SPMIP2: variants seen among roughly 807,000 people sequenced by gnomAD.
The protein encoded by SPMIP2 is sperm microtubule inner protein 2.
chr4:159,070,974 G>A, the SPMIP2 span, among the ~76,000 whole-genome samples: 2,378 of 152,264 alleles, frequency 0.016, 81 homozygotes, highest in African/African-American at 0.054. Context: ...CAATGATGAT[G>A]AGCACTATTG....
chr4:158,959,066 C>T, the SPMIP2 span, among the ~76,000 whole-genome samples: 5,287 of 152,258 alleles, frequency 0.035, 302 homozygotes, highest in African/African-American at 0.12. Context: ...CCTCATGACT[C>T]AGTTCAACCC....
chr4:159,030,654 T>G, the SPMIP2 span, among the ~76,000 whole-genome samples: 3 of 151,790 alleles, frequency 2.0e-5, no homozygotes, highest in Admixed American at 2.0e-4. Flanking sequence ...ATGCCACCAC[T>G]CCCAGCTAAT....
chr4:158,951,748 G>C, the SPMIP2 span, among the ~76,000 whole-genome samples: 2 of 152,226 alleles, frequency 1.3e-5, no homozygotes, highest in Non-Finnish European at 2.9e-5. Flanking sequence ...GAGGAGCCAA[G>C]TTCCCATGTG....
At chr4:158,973,227 G>A in the SPMIP2 span, 2 of 1,613,798 alleles carry the variant, frequency 1.2e-6, no homozygotes, top group Middle Eastern at 1.7e-4. Flanking sequence ...GAGATCTCCA[G>A]TTTTTTCTAA....
the SPMIP2 span, among the ~76,000 whole-genome samples, chr4:159,047,664 C>T: frequency 6.6e-6 from 1 of 152,142 alleles, no homozygotes; most frequent in African/African-American, 2.4e-5. Context: ...AAAACCCCAG[C>T]GAAGTAGTAT....
the SPMIP2 span, among the ~76,000 whole-genome samples, chr4:158,944,870 C>A: frequency 2.5e-3 from 380 of 152,308 alleles, 2 homozygotes; most frequent in African/African-American, 8.6e-3. Flanking sequence ...CCTGGGCTGC[C>A]TGACAGATTC....
the SPMIP2 span, among the ~76,000 whole-genome samples, chr4:159,068,016 T>G: frequency 3.3e-5 from 5 of 152,208 alleles, no homozygotes; most frequent in African/African-American, 1.2e-4. Context: ...AAACAACAGT[T>G]GCTGGAGAGG....
the SPMIP2 span, among the ~76,000 whole-genome samples, chr4:159,020,549 G>A: frequency 4.6e-5 from 7 of 152,168 alleles, no homozygotes; most frequent in African/African-American, 1.4e-4. Flanking sequence ...CTGCCCCTGG[G>A]CCGGTTAGAG....
chr4:158,910,244 C>A, the SPMIP2 span, among the ~76,000 whole-genome samples: 1 of 151,842 alleles, frequency 6.6e-6, no homozygotes, highest in South Asian at 2.1e-4. Context: ...TAGTCAAACA[C>A]TAATCTGGAT....
the SPMIP2 span, among the ~76,000 whole-genome samples, chr4:159,041,204 T>C: frequency 6.6e-6 from 1 of 152,212 alleles, no homozygotes; most frequent in African/African-American, 2.4e-5. Flanking sequence ...GAGAGTATAG[T>C]GGTGCTATTC....
At chr4:158,986,762 G>A in the SPMIP2 span, among the ~76,000 whole-genome samples, 6 of 152,078 alleles carry the variant, frequency 3.9e-5, no homozygotes, top group South Asian at 2.1e-4. Flanking sequence ...AATGGCAACA[G>A]AAGCCAAAAT....
At chr4:159,017,356 TACACACACAC>T in the SPMIP2 span, among the ~76,000 whole-genome samples, 12 of 149,412 alleles carry the variant, frequency 8.0e-5, no homozygotes, top group Non-Finnish European at 8.9e-5. Flanking sequence ...CACAAACACA[TACACACACAC>T]ACACACACAC....
chr4:158,962,072 T>A, the SPMIP2 span, among the ~76,000 whole-genome samples: 2 of 152,182 alleles, frequency 1.3e-5, no homozygotes, highest in African/African-American at 2.4e-5. Context: ...CAGATCAATC[T>A]TCAAATAAGT....
the SPMIP2 span, among the ~76,000 whole-genome samples, chr4:158,963,403 G>C: frequency 1.3e-5 from 2 of 152,264 alleles, no homozygotes; most frequent in South Asian, 4.2e-4. Context: ...CTAAGTTCAA[G>C]GAATTCTCCC....
the SPMIP2 span, among the ~76,000 whole-genome samples, chr4:158,896,572 G>C: frequency 2.0e-5 from 3 of 152,142 alleles, no homozygotes; most frequent in Non-Finnish European, 4.4e-5. Context: ...TAATGTCGAC[G>C]TTTAAATTAT....
chr4:158,991,651 T>G, the SPMIP2 span, among the ~76,000 whole-genome samples: 2 of 152,220 alleles, frequency 1.3e-5, no homozygotes, highest in African/African-American at 2.4e-5. Context: ...CAATTTTATT[T>G]GCTTCAGGTT....
At chr4:159,027,087 T>C in the SPMIP2 span, among the ~76,000 whole-genome samples, 1 of 152,042 alleles carries the variant, frequency 6.6e-6, no homozygotes, top group Non-Finnish European at 1.5e-5. Context: ...TGCTGTCACC[T>C]ATAGATAAGG....
the SPMIP2 span, among the ~76,000 whole-genome samples, chr4:159,066,073 C>T: frequency 6.6e-6 from 1 of 152,166 alleles, no homozygotes; most frequent in Non-Finnish European, 1.5e-5. Context: ...TATAATTCCA[C>T]AGATATTGTC....
At chr4:159,079,786 A>G in the SPMIP2 span, among the ~76,000 whole-genome samples, 1 of 152,104 alleles carries the variant, frequency 6.6e-6, no homozygotes, top group Non-Finnish European at 1.5e-5. Flanking sequence ...TTTGGTTTTG[A>G]TTGTTCTTTC....
Sources: gnomAD v4.1 joint callset for allele counts (sites outside exome capture counted in the v4.1 genomes callset) on GRCh38, gnomAD v4.1.1 for gene constraint, MANE v1.5 for transcripts, NCBI Gene and HGNC (gene_info 2026-07-23, HGNC 2026-07-21) for gene names.